The following PIEZO2 variants were observed in gnomAD, a reference collection of about 807,000 sequenced individuals.
PIEZO2 encodes piezo-type mechanosensitive ion channel component 2.
A neutral mutation model predicts 337.3 loss-of-function variants in PIEZO2; 172 were observed. The observed-to-expected ratio is 0.51, with a 90% CI of 0.45 to 0.58. PIEZO2 has a LOEUF of 0.58. Among genes scored for constraint, PIEZO2 ranks in the 20% least tolerant of loss-of-function variants. PIEZO2 has a pLI of 0.00. For synonymous variants in PIEZO2, 1,251 were observed against 1,228.5 expected (o/e 1.02, Z -0.38); for missense variants, 3,028 against 3,391.3 (o/e 0.89, Z 2.66).
At position 10,994,801 on chromosome 18, in the gene PIEZO2, G is replaced by T. The variant is rs374599719; in HGVS notation, c.161-15141C>A. On this transcript the variant is annotated intron_variant, in intron 2 of 55. Transcript: ENST00000674853. ...AGCAGTGTAGAATTGTTCCCTGTTT[G>T]CCAGGCACAGTAGCTCACGCCTGTA... Among the ~76,000 whole-genome samples, 16 of 151,866 alleles carry T rather than the reference G, an allele frequency of 1.1e-4. No homozygotes were observed. The South Asian group carries it at 2.5e-3, about 24-fold the overall frequency.
chr18:11,098,658 A>G (rs2039326007), intron 1 of PIEZO2, among the ~76,000 whole-genome samples: 1 of 151,704 alleles, frequency 6.6e-6, no homozygotes, highest in Non-Finnish European at 1.5e-5. Context: ...AGGCATTCAT[A>G]TTGTTATCTC....
chr18:11,066,044 T>C (rs1234519678), intron 2 of PIEZO2, 83 bp downstream of exon 2: 1 of 1,105,352 alleles, frequency 9.0e-7, no homozygotes, highest in Admixed American at 2.3e-5. Context: ...TCTCTGCCAT[T>C]AGATAAAGGC....
rs2040268179 is a variant in PIEZO2 at position 10,813,722 on chromosome 18, C to T, written c.918-6448G>A. On this transcript the variant is annotated intron_variant, in intron 7 of 55. Transcript: ENST00000674853. This position sits in a 1 kb window ranked among gnomAD's most constrained non-coding sequence, Gnocchi z 4.2. ...GGGTGAACAAATATCTCTTCAAGAC[C>T]CTGTTTTCAATTCTTTTCTATATAT... Among the ~76,000 whole-genome samples, 1 of 151,946 alleles carries T rather than the reference C, an allele frequency of 6.6e-6. No individual in the cohort carries two copies. The highest frequency in any genetic ancestry group is 2.4e-5 in the African/African-American group (1 of 41,338).
At chr18:10,725,610 C>A in intron 36 of PIEZO2, 2 of 1,311,842 alleles carry the variant, frequency 1.5e-6, no homozygotes, top group Non-Finnish European at 2.1e-6. Flanking sequence ...GCAGCCGCCT[C>A]CGCCCTCTGG....
intron 3 of PIEZO2, among the ~76,000 whole-genome samples, chr18:10,939,161 A>G (rs1302820015): frequency 6.6e-6 from 1 of 152,224 alleles, no homozygotes; most frequent in African/African-American, 2.4e-5. Context: ...TAAATCTTAT[A>G]TTTTGGGTTG....
chr18:10,727,969 A>G lies in PIEZO2; in HGVS notation c.5029+3438T>C, dbSNP rs1416653475. On this transcript the variant is annotated intron_variant, in intron 36 of 55. Transcript: ENST00000674853. This position sits in a 1 kb window ranked among gnomAD's most constrained non-coding sequence, Gnocchi z 6.3. ...AACAGTAATAACAAAAAAAAAAAAG[A>G]AAAAAGAAAAAAAGGGATAAGAAGC... 1 of 151,712 alleles carries G rather than the reference A, an allele frequency of 6.6e-6. No individual in the cohort carries two copies. The highest frequency in any genetic ancestry group is 1.5e-5 in the Non-Finnish European group (1 of 67,954). The allele number at this position is 151,712 out of a possible 1,614,324, so 9.4% of individuals were successfully genotyped here. A position where few individuals can be genotyped will look rare whatever the true frequency, so the allele number is the denominator to read the frequency against.
At chr18:11,041,508 T>C (rs537179383) in intron 2 of PIEZO2, among the ~76,000 whole-genome samples, 71 of 152,318 alleles carry the variant, frequency 4.7e-4, no homozygotes, top group Non-Finnish European at 9.7e-4. Flanking sequence ...ACAGTCACTT[T>C]CATTGTTTGT....
chr18:10,968,914 T>C (rs1166407225), intron 3 of PIEZO2, among the ~76,000 whole-genome samples: 1 of 152,214 alleles, frequency 6.6e-6, no homozygotes, highest in East Asian at 1.9e-4. Flanking sequence ...AATTATATTC[T>C]CAATATTCAA....
In PIEZO2 at chr18:11,003,173, G is replaced by T. The variant is rs191994892; in HGVS notation, c.161-23513C>A. 6.6e-6 allele frequency among the ~76,000 whole-genome samples: 1 copy of T among 152,220 alleles called. No homozygotes were observed. The highest frequency in any genetic ancestry group is 1.5e-5 in the Non-Finnish European group (1 of 68,044). On this transcript the variant is annotated intron_variant, in intron 2 of 55. Coordinates refer to ENST00000674853, the MANE Select transcript of PIEZO2 (RefSeq NM_001378183.1). The surrounding 1 kb of genome is among the most constrained non-coding windows in gnomAD (Gnocchi z 4.6). ...GGGTGATGCAGTGAGGTTCCAGGAC[G>T]TGTGTGGTATTAACTGTAGCACTAA...
chr18:11,116,725 A>C lies in PIEZO2; in HGVS notation c.64+31800T>G, dbSNP rs2039901877. ...ACGAGACTCCGTCTCAAAAAAAACA[A>C]AGAAAAAAAAAAATCATTCCATTTA... On this transcript the variant is annotated intron_variant, in intron 1 of 55. Transcript: ENST00000674853. This position sits in a 1 kb window ranked among gnomAD's most constrained non-coding sequence, Gnocchi z 5.0. 6.6e-6 allele frequency among the ~76,000 whole-genome samples: 1 copy of C among 150,660 alleles called. No individual in the cohort carries two copies. Among genetic ancestry groups the C allele is most frequent in the Non-Finnish European group, 1.5e-5 (1 of 67,948 alleles).
intron 14 of PIEZO2, among the ~76,000 whole-genome samples, chr18:10,789,927 T>A (rs1379935368): frequency 6.6e-6 from 1 of 152,230 alleles, no homozygotes; most frequent in Non-Finnish European, 1.5e-5. Flanking sequence ...TGTGTTGCTT[T>A]AAAATACATA....
At chr18:10,695,041 CTA>C (rs1018878749) in intron 47 of PIEZO2, among the ~76,000 whole-genome samples, 46 of 152,324 alleles carry the variant, frequency 3.0e-4, no homozygotes, top group African/African-American at 9.9e-4. Flanking sequence ...CCTATTCCTA[CTA>C]CATCATATGG....
intron 2 of PIEZO2, among the ~76,000 whole-genome samples, chr18:10,995,049 G>C (rs2035260345): frequency 7.1e-6 from 1 of 141,476 alleles, no homozygotes; most frequent in South Asian, 2.3e-4. Context: ...CTGCACTCCA[G>C]CCTGGGCAAC....
At chr18:10,887,065 C>CTTTTTTTTTTTT (rs143421507) in intron 4 of PIEZO2, among the ~76,000 whole-genome samples, 1 of 91,396 alleles carries the variant, frequency 1.1e-5, no homozygotes, top group African/African-American at 4.4e-5. Flanking sequence ...AGGTGACACA[C>CTTTTTTTTTTTT]TTTTTTTTTT....
Position 10,780,340 on chromosome 18 carries a change from T to G in PIEZO2, c.2519A>C (p.Tyr840Ser), listed in dbSNP as rs1174113113. 1.4e-6 allele frequency: 1 copy of G among 702,978 alleles called. No homozygotes were observed. Among genetic ancestry groups the G allele is most frequent in the Non-Finnish European group, 2.6e-6 (1 of 384,986 alleles). 43.5% of individuals were successfully genotyped at this position (702,978 alleles called of 1,614,324 possible). The change falls in exon 18 of 56, where the codon TAT becomes TCT. Residue 840 changes from tyrosine to serine, a missense_variant. Transcript: ENST00000674853. Reference protein sequence around the residue: ...YSHAKVNGRVYLIINSIKKKL... With the variant: ...YSHAKVNGRVSLIINSIKKKL... The stretch of plus-strand genomic sequence containing the variant: ...AAGTACCCACCTATTTATTATTAGA[T>G]ATACGCGACCATTGACTTTGGCATG...
chr18:10,932,462 T>C (rs2032150472), intron 3 of PIEZO2, among the ~76,000 whole-genome samples: 1 of 152,134 alleles, frequency 6.6e-6, no homozygotes, highest in South Asian at 2.1e-4. Flanking sequence ...TTGGAAAATA[T>C]GTATCGAGTA....
intron 23 of PIEZO2, 75 bp from the exon 24 acceptor site, chr18:10,761,186 T>G: frequency 2.4e-6 from 3 of 1,271,732 alleles, no homozygotes; most frequent in Non-Finnish European, 3.3e-6. Context: ...CCCCACATTC[T>G]GCACAGCTAC....
intron 2 of PIEZO2, among the ~76,000 whole-genome samples, chr18:11,046,646 G>C (rs776108888): frequency 1.6e-4 from 25 of 152,198 alleles, no homozygotes; most frequent in Admixed American, 5.2e-4. Context: ...GCCACTTTCT[G>C]GGCTCCCTCC....
Position 10,800,570 on chromosome 18 carries a change from C to T in PIEZO2, c.1240-95G>A, listed in dbSNP as rs2039776937. 12 of 1,367,224 alleles carry T rather than the reference C, an allele frequency of 8.8e-6. No individual in the cohort carries two copies. The Middle Eastern group carries it at 1.3e-3, about 145-fold the overall frequency. 84.7% of individuals were successfully genotyped at this position (1,367,224 alleles called of 1,614,324 possible). A position where few individuals can be genotyped will look rare whatever the true frequency, so the allele number is the denominator to read the frequency against. On this transcript the variant is annotated intron_variant, in intron 10 of 55. Transcript: ENST00000674853. The stretch of plus-strand genomic sequence containing the variant: ...CTTCCCTTCCTCCACCCTAACTGAA[C>T]AGTGAGGAGTTGATTACAAGCTGAA...
Sources: allele counts gnomAD v4.1 joint callset (sites outside exome capture counted in the v4.1 genomes callset), GRCh38; gene constraint gnomAD v4.1.1; non-coding constraint Gnocchi (gnomAD v3.1); transcripts MANE v1.5; gene names NCBI Gene and HGNC (gene_info 2026-07-23, HGNC 2026-07-21).